GPC5: variants seen among roughly 807,000 people sequenced by gnomAD.
The protein encoded by GPC5 is glypican 5.
A neutral mutation model predicts 53.9 loss-of-function variants in GPC5; 47 were observed. The ratio of observed to expected loss-of-function variants is 0.87; its 90% CI spans 0.69 to 1.11. The LOEUF is 1.11. Ranked by LOEUF, GPC5 falls within the 50% of genes most tolerant of loss-of-function variation. The probability of loss-of-function intolerance (pLI) is 0.00; values close to 1 mark genes in which losing one functional copy is unlikely to be tolerated. For missense variants in GPC5, 748 were observed against 713.1 expected (o/e 1.05, Z -0.56); for synonymous variants, 286 against 263.3 (o/e 1.09, Z -0.84).
At chr13:92,037,769 A>G (rs1452461562) in intron 6 of GPC5, among the ~76,000 whole-genome samples, 3 of 152,182 alleles carry the variant, frequency 2.0e-5, no homozygotes, top group Non-Finnish European at 4.4e-5. Flanking sequence ...TGGCAAATAT[A>G]AATTTATCCT....
intron 6 of GPC5, chr13:91,995,277 C>A (rs1346908122): frequency 6.6e-6 from 1 of 152,088 alleles, no homozygotes; most frequent in Admixed American, 6.6e-5. Flanking sequence ...CGGCCTGAAA[C>A]TTATCTTCTT....
chr13:91,578,604 T>G (rs939960427), intron 2 of GPC5, among the ~76,000 whole-genome samples: 1 of 152,112 alleles, frequency 6.6e-6, no homozygotes, highest in Admixed American at 6.6e-5. Flanking sequence ...TCGCCTTTCA[T>G]TTTTTTAAAT....
intron 2 of GPC5, among the ~76,000 whole-genome samples, chr13:91,458,622 G>T (rs1310472894): frequency 6.6e-6 from 1 of 152,152 alleles, no homozygotes; most frequent in African/African-American, 2.4e-5. Flanking sequence ...CATGGATGCG[G>T]TGAAAAGGGG....
intron 1 of GPC5, among the ~76,000 whole-genome samples, chr13:91,416,643 G>A (rs539800496): frequency 6.6e-6 from 1 of 151,616 alleles, no homozygotes; most frequent in African/African-American, 2.4e-5. Flanking sequence ...GGTGTGTGAT[G>A]TTCCCTGCCC....
intron 6 of GPC5, among the ~76,000 whole-genome samples, chr13:91,974,167 G>A (rs1255726975): frequency 1.3e-5 from 2 of 152,160 alleles, no homozygotes; most frequent in Non-Finnish European, 2.9e-5. Context: ...ATATCATACT[G>A]AATGGGCAAA....
At position 92,477,866 on chromosome 13, in the gene GPC5, G is replaced by A. The variant is rs187875154; in HGVS notation, c.1561+332877G>A. ...TGCACAGCCTACATTGCTGTAACCG[G>A]TGTTGTCCAGTAAACTATCTGGTAT... On this transcript the variant is annotated intron_variant, in intron 7 of 7. Transcript: ENST00000377067. 2.5e-3 allele frequency among the ~76,000 whole-genome samples: 380 copies of A among 152,160 alleles called. 3 individuals are homozygous for A. The highest frequency in any genetic ancestry group is 8.6e-3 in the African/African-American group (356 of 41,520).
At chr13:92,677,626 G>T (rs1387714864) in intron 7 of GPC5, among the ~76,000 whole-genome samples, 1 of 152,202 alleles carries the variant, frequency 6.6e-6, no homozygotes, top group Non-Finnish European at 1.5e-5. Context: ...AAAAGCAGGA[G>T]AAGGATAGAG....
At position 92,484,385 on chromosome 13, in the gene GPC5, A is replaced by G. The variant is rs113562907; in HGVS notation, c.1561+339396A>G. On this transcript the variant is annotated intron_variant, in intron 7 of 7. Coordinates refer to ENST00000377067, the MANE Select transcript of GPC5 (RefSeq NM_004466.6). ...ACTCTAAAATAACTATAAAAAGTAG[A>G]GTAAATACCTAAACCAGTAGCTTAG... 2.3e-3 allele frequency among the ~76,000 whole-genome samples: 347 copies of G among 152,362 alleles called. 2 individuals are homozygous for G. The highest frequency in any genetic ancestry group is 8.2e-3 in the African/African-American group (340 of 41,594).
intron 7 of GPC5, among the ~76,000 whole-genome samples, chr13:92,501,289 T>C (rs1880174626): frequency 6.6e-6 from 1 of 151,640 alleles, no homozygotes; most frequent in Non-Finnish European, 1.5e-5. Flanking sequence ...AAGATACAAA[T>C]GGAAAATGTA....
intron 2 of GPC5, among the ~76,000 whole-genome samples, chr13:91,623,260 C>G (rs773443060): frequency 2.0e-5 from 3 of 152,040 alleles, no homozygotes; most frequent in African/African-American, 7.2e-5. Flanking sequence ...GCAAAATATG[C>G]GAGTTGTGTA....
At chr13:92,554,717 CATT>C (rs1162565497) in intron 7 of GPC5, among the ~76,000 whole-genome samples, 9 of 150,200 alleles carry the variant, frequency 6.0e-5, no homozygotes, top group African/African-American at 1.2e-4. Context: ...ATATATGAAA[CATT>C]ATATAAAATA....
chr13:92,623,696 G>A (rs1884951600), intron 7 of GPC5, among the ~76,000 whole-genome samples: 1 of 151,782 alleles, frequency 6.6e-6, no homozygotes, highest in African/African-American at 2.4e-5. Flanking sequence ...TTGCTGAAAT[G>A]AACATTATAA....
intron 2 of GPC5, among the ~76,000 whole-genome samples, chr13:91,640,165 G>A (rs944562836): frequency 4.6e-5 from 7 of 151,978 alleles, no homozygotes; most frequent in African/African-American, 1.5e-4. Context: ...GAGAGATTCC[G>A]CATAGCAAAA....
intron 7 of GPC5, among the ~76,000 whole-genome samples, chr13:92,727,860 A>G (rs1888687002): frequency 6.6e-6 from 1 of 151,360 alleles, no homozygotes; most frequent in Non-Finnish European, 1.5e-5. Context: ...TGGTCTTTCA[A>G]TCTGCATTTC....
At chr13:91,878,411 T>C (rs2039227994) in intron 5 of GPC5, among the ~76,000 whole-genome samples, 1 of 152,164 alleles carries the variant, frequency 6.6e-6, no homozygotes, top group African/African-American at 2.4e-5. Context: ...TAACCATTGG[T>C]GATATGCAGG....
intron 7 of GPC5, among the ~76,000 whole-genome samples, chr13:92,545,823 G>C (rs533992627): frequency 2.4e-4 from 36 of 152,120 alleles, no homozygotes; most frequent in South Asian, 6.2e-4. Flanking sequence ...GATATTAGCC[G>C]TTTGTCAGAT....
chr13:92,287,864 C>T (rs1256645505), intron 7 of GPC5, among the ~76,000 whole-genome samples: 6 of 151,946 alleles, frequency 3.9e-5, no homozygotes, highest in African/African-American at 1.4e-4. Context: ...GCTCCTTTTT[C>T]TCTTCTTCAG....
At chr13:92,592,219 G>A (rs1883734608) in intron 7 of GPC5, among the ~76,000 whole-genome samples, 1 of 152,170 alleles carries the variant, frequency 6.6e-6, no homozygotes, top group Non-Finnish European at 1.5e-5. Flanking sequence ...GTGGATTGGA[G>A]AATGGGAAGA....
chr13:92,049,828 G>A (rs995058525), intron 6 of GPC5, among the ~76,000 whole-genome samples: 5 of 152,042 alleles, frequency 3.3e-5, no homozygotes, highest in African/African-American at 7.2e-5. Flanking sequence ...TGATGAAAGC[G>A]AAGAGGAAAT....
Sources: gnomAD v4.1 joint callset for allele counts (sites outside exome capture counted in the v4.1 genomes callset) on GRCh38, gnomAD v4.1.1 for gene constraint, MANE v1.5 for transcripts, NCBI Gene and HGNC (gene_info 2026-07-23, HGNC 2026-07-21) for gene names.